Variants in CTXND1 observed in about 807,000 individuals in gnomAD.
CTXND1 encodes the protein cortexin domain containing 1.
chr15:80,234,571 G>A (rs527542561), intron 1 of CTXND1, among the ~76,000 whole-genome samples: 2 of 151,098 alleles, frequency 1.3e-5, no homozygotes, highest in South Asian at 4.2e-4. Flanking sequence ...TCTACCTCCC[G>A]GGTTCAAGTG....
intron 1 of CTXND1, among the ~76,000 whole-genome samples, chr15:80,221,415 A>T (rs1377524644): frequency 3.3e-5 from 5 of 152,126 alleles, no homozygotes; most frequent in African/African-American, 1.2e-4. Context: ...CTAATCTTTC[A>T]TTATAAAAAT....
chr15:80,229,140 T>C (rs1402519963), intron 1 of CTXND1, among the ~76,000 whole-genome samples: 4 of 152,130 alleles, frequency 2.6e-5, no homozygotes, highest in African/African-American at 9.7e-5. Flanking sequence ...TGGGTAAGGC[T>C]GGGAAACAAG....
At chr15:80,251,822 G>T (rs1053893611) in intron 1 of CTXND1, among the ~76,000 whole-genome samples, 185 bp downstream of exon 1, 8 of 152,020 alleles carry the variant, frequency 5.3e-5, no homozygotes, top group African/African-American at 1.9e-4. Context: ...CGCCGAGGAG[G>T]GGATCGGTCC....
At chr15:80,218,379 G>A (rs1434587438) in intron 1 of CTXND1, among the ~76,000 whole-genome samples, 1 of 152,004 alleles carries the variant, frequency 6.6e-6, no homozygotes, top group Non-Finnish European at 1.5e-5. Context: ...ACCTCAAGCA[G>A]TCTTCCCACC....
intron 2 of CTXND1, among the ~76,000 whole-genome samples, chr15:80,202,951 T>C (rs1374889397): frequency 6.6e-6 from 1 of 152,236 alleles, no homozygotes; most frequent in Non-Finnish European, 1.5e-5. Context: ...CATCACTCAT[T>C]CATCTTGGGA....
intron 1 of CTXND1, among the ~76,000 whole-genome samples, chr15:80,225,862 A>AT (rs1308079463): frequency 4.6e-5 from 7 of 150,690 alleles, no homozygotes; most frequent in Non-Finnish European, 7.4e-5. Flanking sequence ...GGTTATCCTC[A>AT]TTTTTTTTTC....
intron 1 of CTXND1, among the ~76,000 whole-genome samples, chr15:80,220,807 T>C (rs1163198940): frequency 1.3e-5 from 2 of 151,794 alleles, no homozygotes; most frequent in Admixed American, 6.6e-5. Context: ...ACCTTATAAT[T>C]AGTTATTGTT....
intron 1 of CTXND1, among the ~76,000 whole-genome samples, chr15:80,223,557 A>T (rs1482658438): frequency 6.6e-6 from 1 of 152,178 alleles, no homozygotes; most frequent in Non-Finnish European, 1.5e-5. Context: ...GGATATATGT[A>T]TCCATTTCTA....
rs537200289 is a variant in CTXND1, at chr15:80,235,852, T to G, written c.-218+16155A>C. Among the ~76,000 whole-genome samples the G allele has an allele frequency of 4.0e-5, 6 of 151,656 alleles. No individual in the cohort carries two copies. In the East Asian group the frequency reaches 1.2e-3, roughly 29 times the overall value. Reference sequence around the variant, plus strand: ...TTCCTTTGAACCTCAGCTTGCTCATTTGCAAAATGGGGATACTAAATAACT... The same window carrying G: ...TTCCTTTGAACCTCAGCTTGCTCATGTGCAAAATGGGGATACTAAATAACT... On this transcript the variant is annotated intron_variant, in intron 1 of 2. Coordinates refer to ENST00000560778, the MANE Select transcript of CTXND1 (RefSeq NM_001352888.2).
chr15:80,219,086 C>A (rs75506625), intron 1 of CTXND1, among the ~76,000 whole-genome samples: 2,123 of 150,650 alleles, frequency 0.014, 34 homozygotes, highest in African/African-American at 0.037. Context: ...TGCGCACTAC[C>A]ACTCCCAGCT....
intron 1 of CTXND1, among the ~76,000 whole-genome samples, chr15:80,231,389 TAAAAAAAAAGAAAAGAA>T (rs1002689212): frequency 1.4e-5 from 2 of 146,490 alleles, no homozygotes; most frequent in African/African-American, 5.1e-5. Context: ...ATCCTGCATT[TAAAAAAAAAGAAAAGAA>T]AAAAAAAAAG....
chr15:80,251,587 C>T (rs142722351), intron 1 of CTXND1, among the ~76,000 whole-genome samples: 110 of 152,366 alleles, frequency 7.2e-4, no homozygotes, highest in Non-Finnish European at 1.2e-3. Context: ...CCCCAAACCC[C>T]TCAATGGCAG....
At chr15:80,245,000 A>C (rs1666204280) in intron 1 of CTXND1, among the ~76,000 whole-genome samples, 1 of 152,122 alleles carries the variant, frequency 6.6e-6, no homozygotes, top group African/African-American at 2.4e-5. Flanking sequence ...GAATTCATTC[A>C]CCAATTTGTG....
intron 1 of CTXND1, among the ~76,000 whole-genome samples, chr15:80,246,157 T>C (rs374301969): frequency 1.3e-5 from 2 of 152,352 alleles, no homozygotes; most frequent in South Asian, 2.1e-4. Context: ...ATGGTAAACA[T>C]TTCTTGCTCT....
intron 2 of CTXND1, among the ~76,000 whole-genome samples, chr15:80,202,441 T>C (rs908346083): frequency 6.6e-5 from 10 of 152,208 alleles, no homozygotes; most frequent in Admixed American, 3.9e-4. Flanking sequence ...AAAAATTGGG[T>C]AATTATTATA....
chr15:80,204,191 T>C (rs1300160226), intron 1 of CTXND1, among the ~76,000 whole-genome samples: 1,713 of 49,744 alleles, frequency 0.034, 218 homozygotes, highest in East Asian at 0.044. Flanking sequence ...TATATATATA[T>C]ATATATATAC....
intron 1 of CTXND1, among the ~76,000 whole-genome samples, chr15:80,237,649 T>C (rs1041942295): frequency 1.3e-5 from 2 of 152,154 alleles, no homozygotes; most frequent in Non-Finnish European, 2.9e-5. Flanking sequence ...AGAAAGAAAA[T>C]ATTTTTGTGC....
intron 1 of CTXND1, among the ~76,000 whole-genome samples, chr15:80,233,529 G>A (rs1893456449): frequency 6.6e-6 from 1 of 152,110 alleles, no homozygotes; most frequent in Non-Finnish European, 1.5e-5. Context: ...GGCTTCCACA[G>A]AAAATAGCCC....
At chr15:80,233,954 C>G (rs1191162640) in intron 1 of CTXND1, among the ~76,000 whole-genome samples, 5 of 152,196 alleles carry the variant, frequency 3.3e-5, no homozygotes, top group Non-Finnish European at 7.3e-5. Context: ...GGGGTCACCA[C>G]CATGGGGTTC....
Sources: gnomAD v4.1 joint callset for allele counts (sites outside exome capture counted in the v4.1 genomes callset) on GRCh38, gnomAD v4.1.1 for gene constraint, MANE v1.5 for transcripts, NCBI Gene and HGNC (gene_info 2026-07-23, HGNC 2026-07-21) for gene names.